The following FUT8 variants were observed in gnomAD, a reference collection of about 807,000 sequenced individuals.
FUT8 encodes the protein alpha-(1,6)-fucosyltransferase.
FUT8 carries 29 observed loss-of-function variants against 71.3 expected under a neutral mutation model. The ratio of observed to expected loss-of-function variants is 0.41; its 90% confidence interval spans 0.30 to 0.55. FUT8 has a LOEUF of 0.55. FUT8 is among the 20% of genes least tolerant of loss of function. The pLI, the probability that FUT8 is intolerant of heterozygous loss-of-function variation, is 0.34. For missense variants in FUT8, 544 were observed against 702.1 expected, an observed-to-expected ratio of 0.77 and a Z score of 2.55; for synonymous variants, 254 against 239.3, an observed-to-expected ratio of 1.06 and a Z score of -0.57.
At chr14:65,535,292 G>C (rs1400407194) in intron 2 of FUT8, among the ~76,000 whole-genome samples, 1 of 151,732 alleles carries the variant, frequency 6.6e-6, no homozygotes, top group African/African-American at 2.4e-5. Flanking sequence ...GTAGAGACGG[G>C]GTTTCACAAT....
chr14:65,650,737 A>C (rs1475589861), intron 6 of FUT8, among the ~76,000 whole-genome samples: 6 of 151,324 alleles, frequency 4.0e-5, no homozygotes, highest in African/African-American at 1.5e-4. Context: ...AAACAAAAAA[A>C]ACCACAAACT....
At chr14:65,513,528 G>C (rs891124764) in intron 2 of FUT8, among the ~76,000 whole-genome samples, 1 of 152,178 alleles carries the variant, frequency 6.6e-6, no homozygotes, top group South Asian at 2.1e-4. Flanking sequence ...ACTCATGATA[G>C]TGACCCTACA....
chr14:65,634,964 C>T (rs1890464841), intron 6 of FUT8, among the ~76,000 whole-genome samples: 1 of 152,212 alleles, frequency 6.6e-6, no homozygotes, highest in Non-Finnish European at 1.5e-5. Context: ...CATCCATGAA[C>T]ATGGGATGCG....
At chr14:65,369,153 C>T in the FUT8 span, among the ~76,000 whole-genome samples, 3 of 152,082 alleles carry the variant, frequency 2.0e-5, no homozygotes, top group African/African-American at 2.4e-5. The surrounding 1 kb of genome is among the most constrained non-coding windows in gnomAD (Gnocchi z 4.6). Context: ...TAACCACATG[C>T]GGCAAGTGGC....
chr14:65,443,718 TAAA>T (rs11317208), intron 1 of FUT8, among the ~76,000 whole-genome samples: 15 of 140,304 alleles, frequency 1.1e-4, no homozygotes, highest in South Asian at 2.2e-4. Flanking sequence ...GGACCTCTAA[TAAA>T]AAAAAAAAAA....
At chr14:65,561,184 T>C (rs1885897109) in intron 2 of FUT8, among the ~76,000 whole-genome samples, 153 bp from the exon 3 acceptor site, 1 of 152,214 alleles carries the variant, frequency 6.6e-6, no homozygotes, top group African/African-American at 2.4e-5. Context: ...GATTAACAGA[T>C]TTAAAGCTTT....
At chr14:65,463,144 TAAAAC>T (rs752685140) in intron 2 of FUT8, among the ~76,000 whole-genome samples, 3 of 152,106 alleles carry the variant, frequency 2.0e-5, no homozygotes, top group Non-Finnish European at 2.9e-5. Flanking sequence ...TAAAATGTGT[TAAAAC>T]AGACAGAATA....
chr14:65,471,897 G>A (rs1594670210), intron 2 of FUT8, among the ~76,000 whole-genome samples: 2 of 152,062 alleles, frequency 1.3e-5, no homozygotes, highest in East Asian at 1.9e-4. Flanking sequence ...ATCTCATTTG[G>A]CAGTATTGTT....
chr14:65,489,567 T>C lies in FUT8; in HGVS notation c.-228+33849T>C, dbSNP rs1469444800. Among the ~76,000 whole-genome samples, 1 of 152,152 alleles carries C rather than the reference T, an allele frequency of 6.6e-6. No homozygotes were observed. The highest frequency in any genetic ancestry group is 1.5e-5 in the Non-Finnish European group (1 of 67,990). On this transcript the variant is annotated intron_variant, in intron 2 of 10. Coordinates refer to ENST00000673929, the MANE Select transcript of FUT8 (RefSeq NM_001371533.1). This position sits in a 1 kb window ranked among gnomAD's most constrained non-coding sequence, Gnocchi z 4.0. ...TTCTATAGATTTGTGATTAAAAAAA[T>C]AGTTCCCTATTTGAATAATTGTCCA...
At chr14:65,728,481 A>C (rs1009387077) in intron 9 of FUT8, among the ~76,000 whole-genome samples, 5 of 152,248 alleles carry the variant, frequency 3.3e-5, no homozygotes, top group African/African-American at 1.2e-4. Flanking sequence ...TCATGAGAAC[A>C]GCACGGGAAA....
chr14:65,712,061 A>G (rs759980039), intron 7 of FUT8, among the ~76,000 whole-genome samples: 3 of 152,222 alleles, frequency 2.0e-5, no homozygotes, highest in Non-Finnish European at 4.4e-5. Context: ...TTTTTATTCT[A>G]ATTCATTATA....
intron 2 of FUT8, chr14:65,528,836 AT>A (rs1883719807): frequency 6.6e-6 from 1 of 152,206 alleles, no homozygotes; most frequent in South Asian, 2.1e-4. Context: ...TAATTTAGAT[AT>A]CATCAAGATC....
chr14:65,506,340 TAAAA>T (rs1265741106), intron 2 of FUT8, among the ~76,000 whole-genome samples: 1 of 152,186 alleles, frequency 6.6e-6, no homozygotes, highest in East Asian at 1.9e-4. Context: ...TTTCTTGCTA[TAAAA>T]AAAGAAGTAA....
At chr14:65,449,311 G>A (rs2065787577) in intron 1 of FUT8, among the ~76,000 whole-genome samples, 1 of 152,194 alleles carries the variant, frequency 6.6e-6, no homozygotes, top group Non-Finnish European at 1.5e-5. Flanking sequence ...TTACAATGAT[G>A]AATTCGTTTT....
chr14:65,478,959 GA>G (rs1468304768), intron 2 of FUT8, among the ~76,000 whole-genome samples: 6 of 152,204 alleles, frequency 3.9e-5, no homozygotes, highest in Non-Finnish European at 8.8e-5. Flanking sequence ...ATATAACAGT[GA>G]AAATTCCCTG....
chr14:65,394,864 GCCT>G, the FUT8 span, among the ~76,000 whole-genome samples: 5 of 150,934 alleles, frequency 3.3e-5, no homozygotes, highest in Non-Finnish European at 5.9e-5. Context: ...TTCTGCCTCA[GCCT>G]CCTGAGTAGC....
intron 6 of FUT8, among the ~76,000 whole-genome samples, chr14:65,650,024 C>T (rs575069890): frequency 7.9e-5 from 12 of 152,204 alleles, no homozygotes; most frequent in East Asian, 5.8e-4. Flanking sequence ...TGGCTGGGTG[C>T]GGTGGCTCAC....
intron 3 of FUT8, among the ~76,000 whole-genome samples, chr14:65,589,336 A>T (rs1451795832): frequency 6.6e-6 from 1 of 152,178 alleles, no homozygotes; most frequent in African/African-American, 2.4e-5. Flanking sequence ...ACTTGAAAAT[A>T]AGAACTTGGC....
At chr14:65,683,143 A>G (rs991396227) in intron 7 of FUT8, among the ~76,000 whole-genome samples, 3 of 151,588 alleles carry the variant, frequency 2.0e-5, no homozygotes, top group Non-Finnish European at 4.4e-5. Context: ...CCTCTTGAGT[A>G]GCTGGAATTA....
Sources: gnomAD v4.1 joint callset for allele counts (sites outside exome capture counted in the v4.1 genomes callset) on GRCh38, gnomAD v4.1.1 for gene constraint, Gnocchi (gnomAD v3.1) non-coding constraint, MANE v1.5 for transcripts, NCBI Gene and HGNC (gene_info 2026-07-23, HGNC 2026-07-21) for gene names.